The following UBL3 variants were observed in gnomAD, a reference collection of about 807,000 sequenced individuals.
UBL3 encodes the protein ubiquitin like 3.
A neutral mutation model predicts 18.4 loss-of-function variants in UBL3; 6 were observed. The observed-to-expected ratio is 0.33, with a 90% CI of 0.18 to 0.64. The LOEUF (loss-of-function observed/expected upper bound fraction) is 0.64. UBL3 is among the 30% of genes least tolerant of loss of function. UBL3 has a pLI of 0.76. For synonymous variants in UBL3, 49 were observed against 46.6 expected, an observed-to-expected ratio of 1.05 and a Z score of -0.21; for missense variants, 109 against 142.9, an observed-to-expected ratio of 0.76 and a Z score of 1.21.
At chr13:29,843,828 T>G (rs1879165926) in intron 1 of UBL3, among the ~76,000 whole-genome samples, 1 of 150,216 alleles carries the variant, frequency 6.7e-6, no homozygotes, top group Admixed American at 6.7e-5. Flanking sequence ...ACTTACTGTT[T>G]AAAATGTCGA....
At chr13:29,818,134 T>C (rs1231486952) in intron 1 of UBL3, among the ~76,000 whole-genome samples, 1 of 152,092 alleles carries the variant, frequency 6.6e-6, no homozygotes, top group African/African-American at 2.4e-5. Flanking sequence ...TACCCTTAAC[T>C]GCACCAAGCA....
At chr13:29,777,398 T>G in intron 1 of UBL3, 135 bp from the exon 2 acceptor site, 1 of 751,200 alleles carries the variant, frequency 1.3e-6, no homozygotes, top group Non-Finnish European at 2.3e-6. Flanking sequence ...TTAAATTCTA[T>G]AAAACTTTTT....
chr13:29,804,909 G>T (rs542801706), intron 1 of UBL3, among the ~76,000 whole-genome samples: 89 of 152,200 alleles, frequency 5.8e-4, no homozygotes, highest in Non-Finnish European at 1.1e-3. Flanking sequence ...TAATGCATTC[G>T]ATCATTCCTA....
intron 1 of UBL3, among the ~76,000 whole-genome samples, chr13:29,803,058 G>A (rs1447399759): frequency 6.6e-6 from 1 of 152,088 alleles, no homozygotes; most frequent in Non-Finnish European, 1.5e-5. Flanking sequence ...CTAGAGAGAA[G>A]AGGCAGGTCA....
At chr13:29,820,169 CTT>C (rs36050662) in intron 1 of UBL3, among the ~76,000 whole-genome samples, 418 of 104,924 alleles carry the variant, frequency 4.0e-3, no homozygotes, top group African/African-American at 0.016. Flanking sequence ...CTCAGAGTTC[CTT>C]TTTTTTTTTT....
intron 1 of UBL3, among the ~76,000 whole-genome samples, chr13:29,800,070 A>G (rs1409861244): frequency 6.6e-6 from 1 of 152,224 alleles, no homozygotes; most frequent in African/African-American, 2.4e-5. Context: ...AAAGGTTTCA[A>G]AAGTTTATTT....
At chr13:29,833,818 G>C (rs906985379) in intron 1 of UBL3, among the ~76,000 whole-genome samples, 1 of 152,138 alleles carries the variant, frequency 6.6e-6, no homozygotes, top group Non-Finnish European at 1.5e-5. Context: ...AGAAGGATTT[G>C]TTTGCTTCAT....
chr13:29,770,521 ACT>A (rs1242038589), intron 3 of UBL3, among the ~76,000 whole-genome samples: 1 of 152,044 alleles, frequency 6.6e-6, no homozygotes, highest in Non-Finnish European at 1.5e-5. Context: ...TGAAGTTCAA[ACT>A]CTGAGGTCAC....
At chr13:29,812,393 A>G (rs74044746) in intron 1 of UBL3, among the ~76,000 whole-genome samples, 37 of 152,044 alleles carry the variant, frequency 2.4e-4, no homozygotes, top group Non-Finnish European at 4.9e-4. Flanking sequence ...GGATTAATAC[A>G]CTCTTAGCCA....
intron 1 of UBL3, among the ~76,000 whole-genome samples, chr13:29,843,377 A>T (rs1879154189): frequency 6.6e-6 from 1 of 152,202 alleles, no homozygotes; most frequent in Non-Finnish European, 1.5e-5. Context: ...TACTATTAAC[A>T]TATTAGGTGA....
chr13:29,803,519 T>C (rs1284181471), intron 1 of UBL3, among the ~76,000 whole-genome samples: 1 of 151,968 alleles, frequency 6.6e-6, no homozygotes, highest in Non-Finnish European at 1.5e-5. Context: ...GATCCATTGG[T>C]ACGCTGTCTC....
intron 1 of UBL3, among the ~76,000 whole-genome samples, chr13:29,835,125 A>AATATAT (rs59643985): frequency 3.0e-4 from 7 of 23,422 alleles, no homozygotes; most frequent in Admixed American, 6.4e-4. Context: ...TATATATATA[A>AATATAT]ATATATATAT....
intron 1 of UBL3, among the ~76,000 whole-genome samples, chr13:29,838,867 A>T (rs1016428444): frequency 1.3e-5 from 2 of 152,160 alleles, no homozygotes; most frequent in African/African-American, 4.8e-5. Context: ...CAACTATATG[A>T]TGCTTAAAGA....
At chr13:29,843,476 TGTCATAA>T (rs1358996490) in intron 1 of UBL3, among the ~76,000 whole-genome samples, 1 of 152,190 alleles carries the variant, frequency 6.6e-6, no homozygotes, top group Admixed American at 6.5e-5. Context: ...TTTTAAGAGC[TGTCATAA>T]GTCATACCTG....
At chr13:29,807,152 G>C (rs1877918537) in intron 1 of UBL3, among the ~76,000 whole-genome samples, 1 of 151,956 alleles carries the variant, frequency 6.6e-6, no homozygotes, top group South Asian at 2.1e-4. Flanking sequence ...TTGTTAAAGA[G>C]AACCTAGGTA....
chr13:29,780,150 C>A (rs949429735), intron 1 of UBL3, among the ~76,000 whole-genome samples: 10 of 151,530 alleles, frequency 6.6e-5, no homozygotes, highest in African/African-American at 2.2e-4. Flanking sequence ...ATCAGGAGAT[C>A]GAGACCATCC....
chr13:29,799,942 GA>G (rs929739726), intron 1 of UBL3, among the ~76,000 whole-genome samples: 54 of 146,006 alleles, frequency 3.7e-4, no homozygotes, highest in African/African-American at 8.0e-4. Flanking sequence ...TGTGGGTATT[GA>G]AAAAAAAAAG....
At chr13:29,812,745 A>G (rs1382458130) in intron 1 of UBL3, among the ~76,000 whole-genome samples, 2 of 152,032 alleles carry the variant, frequency 1.3e-5, no homozygotes, top group African/African-American at 4.8e-5. Context: ...GACTATTTCT[A>G]ATGAAAATCT....
intron 1 of UBL3, among the ~76,000 whole-genome samples, chr13:29,820,642 T>C (rs1238601103): frequency 6.6e-6 from 1 of 152,230 alleles, no homozygotes; most frequent in African/African-American, 2.4e-5. Flanking sequence ...CCTTGAGTTA[T>C]CATCCACTAC....
Sources: allele counts gnomAD v4.1 joint callset (sites outside exome capture counted in the v4.1 genomes callset), GRCh38; gene constraint gnomAD v4.1.1; transcripts MANE v1.5; gene names NCBI Gene and HGNC (gene_info 2026-07-23, HGNC 2026-07-21).